The following AR variants were observed in gnomAD, a reference collection of about 807,000 sequenced individuals.
AR encodes the protein dihydrotestosterone receptor.
Under a neutral mutation model 53.9 loss-of-function variants are expected in AR, and 8 were observed. The ratio of observed to expected loss-of-function variants is 0.15; its 90% CI spans 0.09 to 0.27. AR has a LOEUF of 0.27. AR is among the 10% of genes least tolerant of loss of function. The pLI, the probability that AR is intolerant of heterozygous loss-of-function variation, is 1.00. For synonymous variants in AR, 359 were observed against 316.4 expected, an observed-to-expected ratio of 1.13 and a Z score of -1.43; for missense variants, 639 against 742.5, an observed-to-expected ratio of 0.86 and a Z score of 1.62.
intron 2 of AR, among the ~76,000 whole-genome samples, chrX:67,662,573 C>A (rs1371868324): frequency 3.6e-5 from 4 of 111,511 alleles, no homozygotes; most frequent in African/African-American, 1.3e-4. Context: ...GTTATAATTT[C>A]TGTTCTTTTA....
chrX:67,686,355 C>G (rs988440510), intron 3 of AR, among the ~76,000 whole-genome samples: 1 of 111,237 alleles, frequency 9.0e-6, no homozygotes, highest in African/African-American at 3.3e-5. Context: ...TTAGAGCAGG[C>G]GGTGTGAAGC....
rs747677913 is a variant in AR at position 67,568,337 on chromosome X, G to A, written c.1616+21575G>A. ...GTCATAATTTAGAGAGAATTCTAGA[G>A]GTCAGTTCCCTTTCGTATGGACTGG... On this transcript the variant is annotated intron_variant, in intron 1 of 7. Coordinates refer to ENST00000374690, the MANE Select transcript of AR (RefSeq NM_000044.6). Among the ~76,000 whole-genome samples the A allele has an allele frequency of 5.4e-5, 6 of 111,734 alleles. No homozygotes were observed. The South Asian group carries it at 2.2e-3, about 42-fold the overall frequency.
At chrX:67,614,497 A>C (rs771708709) in intron 1 of AR, among the ~76,000 whole-genome samples, 5 of 111,845 alleles carry the variant, frequency 4.5e-5, no homozygotes, top group African/African-American at 1.6e-4. Flanking sequence ...TAACAACACC[A>C]GAAGTCTCAA....
At position 67,544,056 on chromosome X, in the gene AR, T is replaced by A. The variant is rs940865773; in HGVS notation, c.-1091T>A. ...CCGAGATCCCGGGGAGCCAGCTTGC[T>A]GGGAGAGCGGGACGGTCCGGAGCAA... On this transcript the variant is annotated 5_prime_UTR_variant, in exon 1 of 8. Coordinates refer to ENST00000374690, the MANE Select transcript of AR (RefSeq NM_000044.6). The A allele has an allele frequency of 6.5e-5, 11 of 168,121 alleles. No homozygotes were observed. Among genetic ancestry groups the A allele is most frequent in the Non-Finnish European group, 9.1e-5 (8 of 87,956 alleles). The allele number at this position is 168,121 out of a possible 1,213,427, so 13.9% of individuals were successfully genotyped here. A position where few individuals can be genotyped will look rare whatever the true frequency, so the allele number is the denominator to read the frequency against.
chrX:67,589,515 A>T (rs927023789), intron 1 of AR, among the ~76,000 whole-genome samples: 3 of 111,679 alleles, frequency 2.7e-5, no homozygotes, highest in African/African-American at 9.8e-5. Context: ...CCTGACAGCC[A>T]ACAGAGTCCT....
chrX:67,663,225 G>A (rs1927044582), intron 2 of AR, among the ~76,000 whole-genome samples: 2 of 111,876 alleles, frequency 1.8e-5, no homozygotes, highest in African/African-American at 6.5e-5. Flanking sequence ...AGCCTCGACG[G>A]TCTTTACAAT....
chrX:67,619,110 T>A (rs1306344494), intron 1 of AR, among the ~76,000 whole-genome samples: 1 of 111,275 alleles, frequency 9.0e-6, no homozygotes, highest in Non-Finnish European at 1.9e-5. Context: ...AATTAGCTCC[T>A]CAGAGGATTC....
In AR at chrX:67,653,134, G is replaced by A. The variant is rs767828291; in HGVS notation, c.1768+9727G>A. Among the ~76,000 whole-genome samples, 8 of 111,997 alleles carry A rather than the reference G, an allele frequency of 7.1e-5. No individual in the cohort carries two copies. In the East Asian group the frequency reaches 2.3e-3, roughly 32 times the overall value. On this transcript the variant is annotated intron_variant, in intron 2 of 7. Coordinates refer to ENST00000374690, the MANE Select transcript of AR (RefSeq NM_000044.6). ...ACATGAGACCTATACCGGGCACTGG[G>A]ATAAGAGACATGAAATAACAGCTAA...
chrX:67,632,506 G>A (rs4281240), intron 1 of AR, among the ~76,000 whole-genome samples: 3 of 111,875 alleles, frequency 2.7e-5, no homozygotes, highest in Non-Finnish European at 3.8e-5. Context: ...GCTCACACAC[G>A]GTGCGCTGCA....
intron 2 of AR, among the ~76,000 whole-genome samples, chrX:67,660,803 G>A (rs965304908): frequency 1.8e-5 from 2 of 111,493 alleles, no homozygotes; most frequent in Non-Finnish European, 3.8e-5. Context: ...ATTACCTTGG[G>A]CAGTATGGCC....
intron 1 of AR, among the ~76,000 whole-genome samples, chrX:67,614,913 A>T (rs940403994): frequency 8.1e-5 from 9 of 111,331 alleles, no homozygotes; most frequent in Non-Finnish European, 1.3e-4. Flanking sequence ...AAAGAAAAAA[A>T]TGGAAAATCT....
At position 67,726,322 on chromosome X, in the gene AR, T is replaced by A. The variant is rs1028424204; in HGVS notation, c.*2481T>A. ...TTTAGCTGTTTTAAACAGAAAAAAA[T>A]ATCCACCACTCTTTTCAGTTACACT... On this transcript the variant is annotated 3_prime_UTR_variant, in exon 8 of 8. Coordinates refer to ENST00000374690, the MANE Select transcript of AR (RefSeq NM_000044.6). 5.8e-6 allele frequency: 1 copy of A among 173,316 alleles called. No homozygotes were observed. The highest frequency in any genetic ancestry group is 3.0e-5 in the African/African-American group (1 of 33,878). 14.3% of individuals were successfully genotyped at this position (173,316 alleles called of 1,213,427 possible).
chrX:67,667,372 A>G (rs777083538), intron 2 of AR, among the ~76,000 whole-genome samples: 162 of 111,230 alleles, frequency 1.5e-3, no homozygotes, highest in African/African-American at 4.3e-3. Flanking sequence ...CTGTAGATGT[A>G]TGGACTTGTT....
chrX:67,562,526 C>A (rs753881807), intron 1 of AR, among the ~76,000 whole-genome samples: 6 of 111,722 alleles, frequency 5.4e-5, no homozygotes, highest in African/African-American at 2.0e-4. Context: ...AGGTGAAAAG[C>A]AGCTGATCCT....
At chrX:67,675,339 G>A in intron 2 of AR, among the ~76,000 whole-genome samples, 1 of 110,633 alleles carries the variant, frequency 9.0e-6, no homozygotes, top group East Asian at 2.9e-4. Flanking sequence ...CAAGTCCACT[G>A]GCTCTGAGGC....
intron 1 of AR, among the ~76,000 whole-genome samples, chrX:67,629,524 C>T (rs1247823229): frequency 9.2e-6 from 1 of 108,217 alleles, no homozygotes; most frequent in Non-Finnish European, 1.9e-5. Flanking sequence ...TGATTCTTCT[C>T]TCTTTTTTTC....
chrX:67,666,524 G>A (rs1434885576), intron 2 of AR, among the ~76,000 whole-genome samples: 1 of 111,773 alleles, frequency 8.9e-6, no homozygotes, highest in Admixed American at 9.5e-5. Context: ...ATAAACGTGG[G>A]AATGCAGATC....
At chrX:67,661,442 A>G (rs1443306234) in intron 2 of AR, among the ~76,000 whole-genome samples, 1 of 111,334 alleles carries the variant, frequency 9.0e-6, no homozygotes, top group Non-Finnish European at 1.9e-5. Context: ...GAATTTTGTT[A>G]AAGGCCTTTT....
intron 1 of AR, among the ~76,000 whole-genome samples, chrX:67,564,963 C>T (rs1921490821): frequency 9.0e-6 from 1 of 111,407 alleles, no homozygotes; most frequent in African/African-American, 3.3e-5. Flanking sequence ...TTGGTCCTGG[C>T]CTGTTTGAAC....
Sources: allele counts gnomAD v4.1 joint callset (sites outside exome capture counted in the v4.1 genomes callset), GRCh38; gene constraint gnomAD v4.1.1; transcripts MANE v1.5; gene names NCBI Gene and HGNC (gene_info 2026-07-23, HGNC 2026-07-21).